The following NTM variants were observed in gnomAD, a reference collection of about 807,000 sequenced individuals.
NTM encodes neurotrimin, also known as IgLON family member 2.
In NTM, 13 loss-of-function variants were observed where a neutral mutation model predicts 42.1. That is an observed-to-expected ratio of 0.31 (90% confidence interval 0.20 to 0.49). NTM has a LOEUF of 0.49. NTM is among the 20% of genes least tolerant of loss of function. The probability of loss-of-function intolerance (pLI) is 0.99; values close to 1 mark genes in which losing one functional copy is unlikely to be tolerated. For missense variants in NTM, 373 were observed against 452.8 expected, an observed-to-expected ratio of 0.82 and a Z score of 1.60; for synonymous variants, 187 against 179.2, an observed-to-expected ratio of 1.04 and a Z score of -0.35.
intron 1 of NTM, among the ~76,000 whole-genome samples, chr11:131,762,649 T>C (rs1482630036): frequency 2.0e-5 from 3 of 152,214 alleles, no homozygotes; most frequent in African/African-American, 7.2e-5. Context: ...CCTTTTCCAA[T>C]CACCAGGTTT....
At chr11:132,246,491 A>C (rs2091184314) in intron 4 of NTM, among the ~76,000 whole-genome samples, 1 of 152,026 alleles carries the variant, frequency 6.6e-6, no homozygotes, top group Non-Finnish European at 1.5e-5. Context: ...GCAGAACAAA[A>C]CCCTTTTATT....
chr11:132,321,362 G>T (rs1010685755), intron 7 of NTM, among the ~76,000 whole-genome samples: 1 of 152,144 alleles, frequency 6.6e-6, no homozygotes, highest in Non-Finnish European at 1.5e-5. Context: ...ACCAAGGCTC[G>T]AGAACTACGT....
At chr11:131,410,627 C>T (rs1946303665) in intron 1 of NTM, among the ~76,000 whole-genome samples, 1 of 150,472 alleles carries the variant, frequency 6.6e-6, no homozygotes, top group Admixed American at 6.6e-5. Context: ...TTTCTTGCGT[C>T]AATCTTTTTT....
At chr11:132,156,021 T>C (rs1222278595) in intron 3 of NTM, among the ~76,000 whole-genome samples, 3 of 152,086 alleles carry the variant, frequency 2.0e-5, no homozygotes, top group Middle Eastern at 3.2e-3. Context: ...TCTTTTGAAA[T>C]TGAGTAATGT....
chr11:132,333,122 G>C (rs543806221), intron 8 of NTM, among the ~76,000 whole-genome samples: 2 of 152,214 alleles, frequency 1.3e-5, no homozygotes, highest in African/African-American at 2.4e-5. Context: ...GGAATTGTAC[G>C]GTGTGATTCA....
intron 1 of NTM, among the ~76,000 whole-genome samples, chr11:131,544,448 A>G (rs761203554): frequency 2.6e-5 from 4 of 151,940 alleles, no homozygotes; most frequent in Admixed American, 6.6e-5. Context: ...TCTACTACCA[A>G]ATTATCCCTG....
At chr11:132,201,385 C>T (rs2081133664) in intron 3 of NTM, among the ~76,000 whole-genome samples, 2 of 152,204 alleles carry the variant, frequency 1.3e-5, no homozygotes, top group Admixed American at 1.3e-4. Flanking sequence ...GTTTCATGAA[C>T]ATCAGCTGCA....
At chr11:131,498,780 G>C (rs746786799) in intron 1 of NTM, among the ~76,000 whole-genome samples, 1 of 152,206 alleles carries the variant, frequency 6.6e-6, no homozygotes, top group Non-Finnish European at 1.5e-5. Flanking sequence ...GCCAGGAGGG[G>C]GTGGCCACTT....
At chr11:131,470,223 G>A (rs574338388) in intron 1 of NTM, among the ~76,000 whole-genome samples, 185 of 152,348 alleles carry the variant, frequency 1.2e-3, no homozygotes, top group South Asian at 2.7e-3. Flanking sequence ...TAGTGGGAAA[G>A]TAGGACTCTA....
chr11:132,291,542 G>A (rs2094450687), intron 4 of NTM, among the ~76,000 whole-genome samples: 1 of 152,254 alleles, frequency 6.6e-6, no homozygotes, highest in South Asian at 2.1e-4. Flanking sequence ...ATAGGGTGAA[G>A]ATATAAATGT....
intron 3 of NTM, among the ~76,000 whole-genome samples, chr11:132,164,258 A>G (rs145761416): frequency 3.9e-5 from 6 of 152,260 alleles, no homozygotes; most frequent in Non-Finnish European, 8.8e-5. Context: ...TTCCATCTGT[A>G]AAATGAGGAA....
intron 1 of NTM, among the ~76,000 whole-genome samples, chr11:131,611,031 G>C (rs920432696): frequency 6.6e-6 from 1 of 152,128 alleles, no homozygotes; most frequent in African/African-American, 2.4e-5. Flanking sequence ...GGGAGCTGAG[G>C]GGAACCTGGA....
At chr11:131,454,081 T>A (rs1950684950) in intron 1 of NTM, among the ~76,000 whole-genome samples, 2 of 152,228 alleles carry the variant, frequency 1.3e-5, no homozygotes, top group Admixed American at 1.3e-4. Flanking sequence ...GATTACAGCA[T>A]CTCCCCTTAT....
At chr11:131,434,034 G>A (rs983019705) in intron 1 of NTM, among the ~76,000 whole-genome samples, 1 of 152,164 alleles carries the variant, frequency 6.6e-6, no homozygotes, top group Non-Finnish European at 1.5e-5. Flanking sequence ...ACCTATGAGT[G>A]AGAACATGCG....
chr11:131,556,721 C>T (rs2055478585), intron 1 of NTM, among the ~76,000 whole-genome samples: 1 of 152,076 alleles, frequency 6.6e-6, no homozygotes, highest in South Asian at 2.1e-4. Flanking sequence ...GCATGCGCCA[C>T]CACACCCAGC....
chr11:131,663,717 A>G (rs2068500331), intron 1 of NTM: 1 of 152,202 alleles, frequency 6.6e-6, no homozygotes, highest in African/African-American at 2.4e-5. Flanking sequence ...CTCTCTTTGG[A>G]CAAGGATGTT....
chr11:132,061,637 G>A (rs1793639), intron 2 of NTM, among the ~76,000 whole-genome samples: 59,439 of 151,962 alleles, frequency 0.39, 11,952 homozygotes, highest in South Asian at 0.49. Flanking sequence ...GAATTTACAC[G>A]CCTAACTTAG....
At chr11:131,815,535 C>G (rs2092917073) in intron 1 of NTM, among the ~76,000 whole-genome samples, 1 of 152,128 alleles carries the variant, frequency 6.6e-6, no homozygotes, top group Admixed American at 6.6e-5. Flanking sequence ...CTTGAAGAAT[C>G]CTTTTGAGAA....
Position 132,316,442 on chromosome 11 carries a change from C to A in NTM, c.934+1739C>A, listed in dbSNP as rs967595425. ...TGTGCCTCCTTTGGGACGTTTCTACCATTGCCAGCTCTCTGGCGTCCAGGG... is the reference window on the plus strand; with the variant it reads ...TGTGCCTCCTTTGGGACGTTTCTACAATTGCCAGCTCTCTGGCGTCCAGGG... On this transcript the variant is annotated intron_variant, in intron 7 of 8. Coordinates refer to ENST00000683400, the MANE Select transcript of NTM (RefSeq NM_001352005.2). Among the ~76,000 whole-genome samples the A allele has an allele frequency of 2.0e-5, 3 of 152,158 alleles. No homozygotes were observed. In the South Asian group the frequency reaches 6.2e-4, roughly 32 times the overall value.
Sources: allele counts gnomAD v4.1 joint callset (sites outside exome capture counted in the v4.1 genomes callset), GRCh38; gene constraint gnomAD v4.1.1; transcripts MANE v1.5; gene names NCBI Gene and HGNC (gene_info 2026-07-23, HGNC 2026-07-21).